The following DOK7 variants were observed in gnomAD, a reference collection of about 807,000 sequenced individuals.
DOK7 encodes the protein docking protein 7.
Under a neutral mutation model 30.7 loss-of-function variants are expected in DOK7, and 32 were observed. The ratio of observed to expected loss-of-function variants is 1.04; its 90% CI spans 0.79 to 1.40. DOK7 has a LOEUF of 1.40. DOK7 is among the 40% of genes most tolerant of loss of function. The probability of loss-of-function intolerance (pLI) is 0.00; values close to 1 mark genes in which losing one functional copy is unlikely to be tolerated. For missense variants in DOK7, 1,007 were observed against 699.2 expected, an observed-to-expected ratio of 1.44 and a Z score of -4.97; for synonymous variants, 447 against 324.1, an observed-to-expected ratio of 1.38 and a Z score of -4.07.
downstream of DOK7, among the ~76,000 whole-genome samples, chr4:3,494,711 T>C (rs766754100): frequency 5.9e-5 from 9 of 152,218 alleles, no homozygotes; most frequent in Middle Eastern, 3.2e-3. Flanking sequence ...TGTGTGCACG[T>C]GTGGCACATT....
In DOK7 at chr4:3,493,463, C is replaced by T. The variant is rs748438470; in HGVS notation, c.1477C>T (p.Pro493Ser). Reference sequence around the variant, plus strand: ...ACCCCCGGCTTTCTTTTCGGCATGTCCAGTCTGTGGAGGACTCAAGGTAAA... The same window carrying T: ...ACCCCCGGCTTTCTTTTCGGCATGTTCAGTCTGTGGAGGACTCAAGGTAAA... ...GPPPAFFSAC[P>S]VCGGLKVNPP... Residue 493 changes from proline (P) to serine (S), a missense_variant, in exon 7 of 7, where the codon CCA becomes TCA. Transcript: ENST00000340083. The T allele has an allele frequency of 8.7e-6, 14 of 1,610,702 alleles. No individual in the cohort carries two copies. The South Asian group carries it at 9.9e-5, about 11-fold the overall frequency.
intron 4 of DOK7, chr4:3,484,725 C>T (rs1380189510): frequency 1.0e-6 from 1 of 985,542 alleles, no homozygotes; most frequent in Non-Finnish European, 1.2e-6. Flanking sequence ...CAGGATGCTG[C>T]ACACGGCCTC....
intron 4 of DOK7, among the ~76,000 whole-genome samples, chr4:3,479,383 C>A (rs1727304165): frequency 6.6e-6 from 1 of 152,224 alleles, no homozygotes; most frequent in African/African-American, 2.4e-5. Context: ...TTGTGGGCCA[C>A]CATTTGGCCG....
chr4:3,499,233 G>C (rs927936646), downstream of DOK7, among the ~76,000 whole-genome samples: 8 of 152,154 alleles, frequency 5.3e-5, no homozygotes, highest in African/African-American at 1.9e-4. Flanking sequence ...GCTGTCACCC[G>C]CTGGATCCCA....
At chr4:3,497,660 G>T (rs1421913866), downstream of DOK7, among the ~76,000 whole-genome samples, 2 of 152,066 alleles carry the variant, frequency 1.3e-5, no homozygotes, top group African/African-American at 4.8e-5. Flanking sequence ...GGCACCTACA[G>T]GGGGGCGGGG....
intron 2 of DOK7, among the ~76,000 whole-genome samples, chr4:3,467,624 G>C (rs1331766571): frequency 6.6e-6 from 1 of 152,130 alleles, no homozygotes; most frequent in Non-Finnish European, 1.5e-5. Context: ...GTGTGCACGT[G>C]TGAGCAAGTG....
chr4:3,491,407 C>CTCATTCA (rs1553849541), intron 6 of DOK7, among the ~76,000 whole-genome samples: 43,111 of 116,608 alleles, frequency 0.37, 7,239 homozygotes, highest in East Asian at 0.55. Context: ...CTCACCCCAG[C>CTCATTCA]TTCCTTCTTT....
At chr4:3,490,978 CCCTCCT>C (rs1728348123) in intron 6 of DOK7, among the ~76,000 whole-genome samples, 1 of 128,940 alleles carries the variant, frequency 7.8e-6, no homozygotes, top group African/African-American at 2.9e-5. Flanking sequence ...TTCTTCATTT[CCCTCCT>C]GCTCATTCAT....
chr4:3,490,441 T>TC (rs1728236233), intron 6 of DOK7, among the ~76,000 whole-genome samples: 13 of 55,620 alleles, frequency 2.3e-4, no homozygotes, highest in Non-Finnish European at 3.1e-4. Context: ...CATTCCTTCA[T>TC]TTCTCTCCTG....
intron 4 of DOK7, among the ~76,000 whole-genome samples, chr4:3,483,610 C>T (rs964313817): frequency 1.2e-4 from 18 of 152,210 alleles, no homozygotes; most frequent in Admixed American, 4.6e-4. Context: ...GCTCCGCAGA[C>T]GCCGCATGGA....
chr4:3,498,122 C>T (rs1729012410), downstream of DOK7, among the ~76,000 whole-genome samples: 1 of 152,058 alleles, frequency 6.6e-6, no homozygotes, highest in African/African-American at 2.4e-5. Flanking sequence ...GCTGCCAGCC[C>T]AGGGCGGGGT....
intron 3 of DOK7, among the ~76,000 whole-genome samples, chr4:3,475,584 G>A (rs1577151204): frequency 6.6e-6 from 1 of 152,212 alleles, no homozygotes; most frequent in African/African-American, 2.4e-5. Context: ...ACAGGACCAT[G>A]GGGGTGCTCA....
intron 2 of DOK7, among the ~76,000 whole-genome samples, chr4:3,468,512 G>A (rs976207492): frequency 1.1e-4 from 16 of 145,196 alleles, no homozygotes; most frequent in South Asian, 4.2e-4. Context: ...GCGTGTGTGC[G>A]TGTATGAGTG....
chr4:3,491,080 C>G (rs1728366761), intron 6 of DOK7, among the ~76,000 whole-genome samples: 1 of 116,446 alleles, frequency 8.6e-6, no homozygotes, highest in African/African-American at 3.3e-5. Context: ...CTTCCTTCTC[C>G]CCACTCCTGC....
At chr4:3,469,418 A>G (rs755163008) in intron 2 of DOK7, among the ~76,000 whole-genome samples, 7 of 145,472 alleles carry the variant, frequency 4.8e-5, no homozygotes, top group Non-Finnish European at 9.1e-5. Context: ...CCGCAGCCAG[A>G]GGGTGGGTGG....
downstream of DOK7, among the ~76,000 whole-genome samples, chr4:3,497,410 A>G (rs9683647): frequency 6.6e-6 from 1 of 151,440 alleles, no homozygotes; most frequent in African/African-American, 2.4e-5. Flanking sequence ...GTTGGGAGGG[A>G]GGGCCAGGCA....
rs753043554 is a variant in DOK7 at position 3,476,388 on chromosome 4, C to T, written c.378C>T (p.Ser126=). The T allele has an allele frequency of 3.3e-5, 54 of 1,612,926 alleles. No individual in the cohort carries two copies. Among genetic ancestry groups the T allele is most frequent in the Admixed American group, 6.7e-5 (4 of 59,978 alleles). ...VTVAPGTKLE[S]GPATLHLCND... The stretch of plus-strand genomic sequence containing the variant: ...TGGCTCCAGGCACCAAGTTGGAGAG[C>T]GGCCCGGCTACCCTGCACCTCTGCA... The change falls in exon 4 of 7, where the codon AGC becomes AGT. Residue 126 remains serine (S), a synonymous_variant. Coordinates refer to ENST00000340083, the MANE Select transcript of DOK7 (RefSeq NM_173660.5).
chr4:3,490,403 T>A (rs184101291), intron 6 of DOK7, among the ~76,000 whole-genome samples: 709 of 9,548 alleles, frequency 0.074, 25 homozygotes, highest in African/African-American at 0.16. Context: ...TCAGTCCTTC[T>A]TTCACCCCCC....
chr4:3,468,571 T>C (rs534645769), intron 2 of DOK7, among the ~76,000 whole-genome samples: 201 of 145,436 alleles, frequency 1.4e-3, no homozygotes, highest in African/African-American at 5.0e-3. Context: ...CATGTATGAA[T>C]GTGTGTGCTT....
Sources: gnomAD v4.1 joint callset for allele counts (sites outside exome capture counted in the v4.1 genomes callset) on GRCh38, gnomAD v4.1.1 for gene constraint, MANE v1.5 for transcripts, NCBI Gene and HGNC (gene_info 2026-07-23, HGNC 2026-07-21) for gene names.